SEMA4D: variants seen among roughly 807,000 people sequenced by gnomAD.
SEMA4D encodes the protein semaphorin 4D.
SEMA4D carries 22 observed loss-of-function variants against 74.8 expected under a neutral mutation model. The ratio of observed to expected loss-of-function variants is 0.29; its 90% confidence interval spans 0.21 to 0.42. The LOEUF is 0.42. Ranked by LOEUF, SEMA4D falls within the 10% of genes least tolerant of loss-of-function variation. The probability of loss-of-function intolerance (pLI) is 1.00; values close to 1 mark genes in which losing one functional copy is unlikely to be tolerated. For missense variants in SEMA4D, 937 were observed against 1,118.4 expected, an observed-to-expected ratio of 0.84 and a Z score of 2.31; for synonymous variants, 445 against 463.7, an observed-to-expected ratio of 0.96 and a Z score of 0.52.
intron 15 of SEMA4D, 122 bp downstream of exon 15, chr9:89,380,933 C>T: frequency 8.4e-7 from 1 of 1,194,342 alleles, no homozygotes; most frequent in Non-Finnish European, 1.2e-6. Flanking sequence ...AACACTTGAC[C>T]TCTGTTCCGA....
intron 2 of SEMA4D, among the ~76,000 whole-genome samples, chr9:89,406,236 C>T (rs1843305200): frequency 6.6e-6 from 1 of 152,166 alleles, no homozygotes; most frequent in Admixed American, 6.5e-5. Flanking sequence ...CACGGATGTA[C>T]ACCTGTAGAA....
At chr9:89,430,842 T>C (rs898321252) in intron 2 of SEMA4D, among the ~76,000 whole-genome samples, 12 of 151,968 alleles carry the variant, frequency 7.9e-5, no homozygotes, top group African/African-American at 2.9e-4. Flanking sequence ...CTGGGTGTGG[T>C]GGCTCGCGCC....
chr9:89,435,011 T>C (rs1302197193), intron 2 of SEMA4D, among the ~76,000 whole-genome samples: 2 of 152,192 alleles, frequency 1.3e-5, no homozygotes, highest in Non-Finnish European at 2.9e-5. Flanking sequence ...TTAATCCATA[T>C]ATTTTTAATA....
In SEMA4D at chr9:89,379,000, A is replaced by G; in HGVS notation, c.2293T>C (p.Leu765=). The change falls in exon 16 of 16, where the codon TTG becomes CTG. Residue 765 remains leucine, a synonymous_variant. Transcript: ENST00000422704. ...ATTAGTAGGGCCGAGCGGAATTTCAAGCACTGTCTGGGCAGGTATCCCTTA... is the reference window on the plus strand; with the variant it reads ...ATTAGTAGGGCCGAGCGGAATTTCAGGCACTGTCTGGGCAGGTATCCCTTA... The part of the protein sequence containing the change: ...CYKGYLPRQC[L]KFRSALLIGK... 6.2e-7 allele frequency: 1 copy of G among 1,613,144 alleles called. No individual in the cohort carries two copies. The highest frequency in any genetic ancestry group is 8.5e-7 in the Non-Finnish European group (1 of 1,179,478).
In SEMA4D at chr9:89,446,697, G is replaced by A. The variant is rs575806054; in HGVS notation, c.-244+9191C>T. Among the ~76,000 whole-genome samples, 6 of 152,274 alleles carry A rather than the reference G, an allele frequency of 3.9e-5. No homozygotes were observed. The South Asian group carries it at 1.2e-3, about 32-fold the overall frequency. ...AGGGGTGTGGGCCATCCTGGACCCTGGTGGCCACACCTTCTAAAACAAGGC... is the reference window on the plus strand; with the variant it reads ...AGGGGTGTGGGCCATCCTGGACCCTAGTGGCCACACCTTCTAAAACAAGGC... On this transcript the variant is annotated intron_variant, in intron 2 of 15. Transcript: ENST00000422704.
chr9:89,478,864 C>A (rs998961852), intron 1 of SEMA4D, among the ~76,000 whole-genome samples: 1 of 148,418 alleles, frequency 6.7e-6, no homozygotes, highest in African/African-American at 2.5e-5. Flanking sequence ...TTACCCTGAA[C>A]TCAGCAGCCT....
chr9:89,407,309 A>T (rs544388465), intron 2 of SEMA4D, among the ~76,000 whole-genome samples: 3 of 135,592 alleles, frequency 2.2e-5, no homozygotes, highest in Admixed American at 1.4e-4. Flanking sequence ...CAATTCCCTC[A>T]GTCCTTCTCT....
At chr9:89,496,615 T>C (rs977923542) in intron 1 of SEMA4D, among the ~76,000 whole-genome samples, 1 of 152,222 alleles carries the variant, frequency 6.6e-6, no homozygotes, top group Non-Finnish European at 1.5e-5. Flanking sequence ...TTTCTTCTTC[T>C]GGCTGACGAC....
Position 89,485,099 on chromosome 9 carries a change from T to A in SEMA4D, c.-310+12820A>T, listed in dbSNP as rs116006701. Among the ~76,000 whole-genome samples the A allele has an allele frequency of 5.6e-3, 854 of 152,244 alleles. 8 individuals carry two copies. Among genetic ancestry groups the A allele is most frequent in the African/African-American group, 0.02 (817 of 41,512 alleles). On this transcript the variant is annotated intron_variant, in intron 1 of 15. Transcript: ENST00000422704. ...ATTGTTGCAGAAAATCAGAGAAATG[T>A]AGACAAGCACCAAGGAGAAAACAGA...
intron 16 of SEMA4D, among the ~76,000 whole-genome samples, chr9:89,369,950 ATGTGCTTTGGTG>A (rs1350402158): frequency 6.6e-6 from 1 of 150,434 alleles, no homozygotes; most frequent in African/African-American, 2.5e-5. Context: ...TGTGGTGTGT[ATGTGCTTTGGTG>A]TGTGCAGTAT....
In SEMA4D at chr9:89,388,099, T is replaced by C. The variant is rs144743981; in HGVS notation, c.1108-491A>G. ...CTATGCATAGAAGGAGCCATGATGG[T>C]GTCAGGGACAGCTGCCCTTGGGAGG... On this transcript the variant is annotated intron_variant, in intron 11 of 15. Transcript: ENST00000422704. Among the ~76,000 whole-genome samples, 210 of 152,308 alleles carry C rather than the reference T, an allele frequency of 1.4e-3. 2 individuals are homozygous for C. Among genetic ancestry groups the C allele is most frequent in the African/African-American group, 4.7e-3 (197 of 41,558 alleles).
chr9:89,389,916 G>T (rs540458887), intron 9 of SEMA4D, among the ~76,000 whole-genome samples: 1 of 152,144 alleles, frequency 6.6e-6, no homozygotes, highest in Non-Finnish European at 1.5e-5. Context: ...GCAGGTGAAG[G>T]GTTCATGTGT....
chr9:89,463,200 T>C lies in SEMA4D; in HGVS notation c.-309-7247A>G, dbSNP rs1329168990. Among the ~76,000 whole-genome samples the C allele has an allele frequency of 3.3e-5, 5 of 151,986 alleles. No homozygotes were observed. The South Asian group carries it at 8.3e-4, about 25-fold the overall frequency. ...GGAAAAATGGTAGACTCATGCCCAG[T>C]TGAGGAATACTTGCAATTCTAATCT... On this transcript the variant is annotated intron_variant, in intron 1 of 15. Transcript: ENST00000422704.
chr9:89,434,905 C>T (rs942780548), intron 2 of SEMA4D, among the ~76,000 whole-genome samples: 1 of 152,220 alleles, frequency 6.6e-6, no homozygotes, highest in Non-Finnish European at 1.5e-5. Flanking sequence ...CAGCCTTCTA[C>T]AACATGGCCT....
intron 18 of SEMA4D, among the ~76,000 whole-genome samples, chr9:89,362,773 C>A (rs1046612648): frequency 8.5e-5 from 13 of 152,240 alleles, no homozygotes; most frequent in Non-Finnish European, 1.9e-4. Flanking sequence ...GCCACGTAAC[C>A]CACACACTTT....
chr9:89,414,744 A>G (rs1236626694), intron 2 of SEMA4D, among the ~76,000 whole-genome samples: 1 of 152,222 alleles, frequency 6.6e-6, no homozygotes, highest in Non-Finnish European at 1.5e-5. Flanking sequence ...CCAACACTCC[A>G]GCTCTGCAGG....
chr9:89,387,655 G>GC, intron 11 of SEMA4D, 47 bp from the exon 12 acceptor site: 1 of 1,559,728 alleles, frequency 6.4e-7, no homozygotes, highest in Non-Finnish European at 8.8e-7. Context: ...GTCCCACCAC[G>GC]CAACGGGTGC....
At chr9:89,413,872 G>A (rs538951969) in intron 2 of SEMA4D, among the ~76,000 whole-genome samples, 77 of 152,344 alleles carry the variant, frequency 5.1e-4, no homozygotes, top group Non-Finnish European at 1.9e-4. Flanking sequence ...GTATGTGTAC[G>A]CAGACATGTA....
rs139344736 is a variant in SEMA4D, at chr9:89,462,188, C to A, written c.-309-6235G>T. Among the ~76,000 whole-genome samples the A allele has an allele frequency of 3.0e-3, 461 of 152,294 alleles. 2 individuals carry two copies. The highest frequency in any genetic ancestry group is 0.01 in the African/African-American group (436 of 41,556). On this transcript the variant is annotated intron_variant, in intron 1 of 15. Transcript: ENST00000422704. Reference sequence around the variant, plus strand: ...CTCTCTGCCCAGGGTGGTCTGCACACCCAGAAAGAAATGCCAGAAATCGCT... The same window carrying A: ...CTCTCTGCCCAGGGTGGTCTGCACAACCAGAAAGAAATGCCAGAAATCGCT...
Sources: allele counts gnomAD v4.1 joint callset (sites outside exome capture counted in the v4.1 genomes callset), GRCh38; gene constraint gnomAD v4.1.1; transcripts MANE v1.5; gene names NCBI Gene and HGNC (gene_info 2026-07-23, HGNC 2026-07-21).